The following ELOVL5 variants were observed in gnomAD, a reference collection of about 807,000 sequenced individuals.
ELOVL5 encodes the protein very long chain fatty acid elongase 5.
In ELOVL5, 8 loss-of-function variants were observed where a neutral mutation model predicts 38.6. That is an observed-to-expected ratio of 0.21 (90% confidence interval 0.12 to 0.37). ELOVL5 has a LOEUF of 0.37. Ranked by LOEUF, ELOVL5 falls within the 10% of genes least tolerant of loss-of-function variation. ELOVL5 has a pLI of 1.00. For missense variants in ELOVL5, 280 were observed against 367.8 expected, an observed-to-expected ratio of 0.76 and a Z score of 1.95; for synonymous variants, 127 against 133.7, an observed-to-expected ratio of 0.95 and a Z score of 0.34.
Position 53,348,467 on chromosome 6 carries a change from G to C in ELOVL5, c.-9+350C>G, listed in dbSNP as rs374337939. Among the ~76,000 whole-genome samples, 652 of 152,232 alleles carry C rather than the reference G, an allele frequency of 4.3e-3. 4 individuals are homozygous for C. The highest frequency in any genetic ancestry group is 7.3e-3 in the Non-Finnish European group (495 of 67,982). On this transcript the variant is annotated intron_variant, in intron 1 of 7. Coordinates refer to ENST00000304434, the MANE Select transcript of ELOVL5 (RefSeq NM_021814.5). ...CCCAGGCGGACAGATCCATCCCTCC[G>C]CGTCTGGTGTGGGCACGGTGTCGTG...
chr6:53,328,147 T>C (rs1051601303), intron 1 of ELOVL5, among the ~76,000 whole-genome samples: 1 of 152,242 alleles, frequency 6.6e-6, no homozygotes, highest in Non-Finnish European at 1.5e-5. Flanking sequence ...CAGATACCTT[T>C]GGCATTGCAC....
intron 1 of ELOVL5, among the ~76,000 whole-genome samples, chr6:53,323,249 G>A (rs930568680): frequency 2.0e-4 from 30 of 152,208 alleles, no homozygotes; most frequent in African/African-American, 5.3e-4. Flanking sequence ...AGATTTAGGT[G>A]AGGAACAGTT....
In ELOVL5 at chr6:53,310,716, C is replaced by T. The variant is rs149429825; in HGVS notation, c.-8-15009G>A. On this transcript the variant is annotated intron_variant, in intron 1 of 7. Transcript: ENST00000304434. ...TTGGCCTCCCAAAGTGCTAGGATTACGGGAGTGAGCCACTGCACCCAGCCA... is the reference window on the plus strand; with the variant it reads ...TTGGCCTCCCAAAGTGCTAGGATTATGGGAGTGAGCCACTGCACCCAGCCA... 5.5e-4 allele frequency among the ~76,000 whole-genome samples: 83 copies of T among 152,246 alleles called. 1 individual carries two copies. The highest frequency in any genetic ancestry group is 1.9e-3 in the African/African-American group (77 of 41,540).
intron 1 of ELOVL5, among the ~76,000 whole-genome samples, chr6:53,347,534 G>A (rs1769607897): frequency 1.3e-5 from 2 of 152,174 alleles, no homozygotes; most frequent in East Asian, 1.9e-4. Context: ...AAGCGGTTAG[G>A]AGAATGAGTT....
At chr6:53,311,249 T>C (rs1767816962) in intron 1 of ELOVL5, among the ~76,000 whole-genome samples, 1 of 152,316 alleles carries the variant, frequency 6.6e-6, no homozygotes, top group South Asian at 2.1e-4. Context: ...CAAGGCAGTG[T>C]TGCCAAAACA....
chr6:53,271,100 A>C (rs1765901655), intron 6 of ELOVL5, among the ~76,000 whole-genome samples: 1 of 152,238 alleles, frequency 6.6e-6, no homozygotes, highest in African/African-American at 2.4e-5. Context: ...ACATCCTTCC[A>C]ACTCCTTATC....
intron 3 of ELOVL5, among the ~76,000 whole-genome samples, chr6:53,285,086 AC>A (rs1487390297): frequency 6.6e-6 from 1 of 152,212 alleles, no homozygotes; most frequent in Non-Finnish European, 1.5e-5. Context: ...CTCTCACTTT[AC>A]ATCAAAAGCT....
At chr6:53,332,114 C>A (rs529732087) in intron 1 of ELOVL5, among the ~76,000 whole-genome samples, 12 of 152,296 alleles carry the variant, frequency 7.9e-5, no homozygotes, top group African/African-American at 2.9e-4. Context: ...CAAACACCTC[C>A]GAGTAGGCCC....
At chr6:53,343,066 A>G (rs1241693032) in intron 1 of ELOVL5, among the ~76,000 whole-genome samples, 1 of 152,200 alleles carries the variant, frequency 6.6e-6, no homozygotes, top group Admixed American at 6.5e-5. Flanking sequence ...TTCCTATTGC[A>G]GAAACTGAAA....
chr6:53,310,870 C>T (rs1767800324), intron 1 of ELOVL5, among the ~76,000 whole-genome samples: 1 of 152,188 alleles, frequency 6.6e-6, no homozygotes, highest in Non-Finnish European at 1.5e-5. Context: ...TCTCACAATA[C>T]ACACAGAAAA....
chr6:53,273,510 G>A (rs1766001785), intron 5 of ELOVL5, among the ~76,000 whole-genome samples, 166 bp from the exon 6 acceptor site: 1 of 152,228 alleles, frequency 6.6e-6, no homozygotes, highest in South Asian at 2.1e-4. Flanking sequence ...TGTGTAATGA[G>A]AATTCAATTT....
chr6:53,315,370 G>A (rs9357759), intron 1 of ELOVL5, among the ~76,000 whole-genome samples: 51,713 of 151,806 alleles, frequency 0.34, 9,383 homozygotes, highest in African/African-American at 0.48. Context: ...TTCAAAATAT[G>A]AATTGAGAGT....
At chr6:53,347,109 C>A (rs895622026) in intron 1 of ELOVL5, among the ~76,000 whole-genome samples, 8 of 152,160 alleles carry the variant, frequency 5.3e-5, no homozygotes, top group African/African-American at 1.9e-4. Context: ...TTTTAGTAAG[C>A]CTTCTACTGT....
intron 1 of ELOVL5, among the ~76,000 whole-genome samples, chr6:53,317,537 G>T (rs1038369919): frequency 6.6e-6 from 1 of 151,878 alleles, no homozygotes; most frequent in East Asian, 1.9e-4. Flanking sequence ...GCAAACTATC[G>T]CAAGGACAAA....
intron 1 of ELOVL5, among the ~76,000 whole-genome samples, chr6:53,329,772 C>G (rs1768708471): frequency 6.6e-6 from 1 of 152,080 alleles, no homozygotes; most frequent in Admixed American, 6.6e-5. Flanking sequence ...TGCAGTGAGT[C>G]AAAATCATGC....
intron 3 of ELOVL5, among the ~76,000 whole-genome samples, chr6:53,288,599 T>C (rs1043558366): frequency 1.3e-5 from 2 of 152,236 alleles, no homozygotes; most frequent in Non-Finnish European, 2.9e-5. Flanking sequence ...TCTTCTCTCC[T>C]TTTAATTTTG....
At chr6:53,318,624 C>T (rs1452411913) in intron 1 of ELOVL5, among the ~76,000 whole-genome samples, 1 of 152,032 alleles carries the variant, frequency 6.6e-6, no homozygotes, top group Non-Finnish European at 1.5e-5. Context: ...CCTGTGGCTG[C>T]AGCTACTCAG....
chr6:53,276,473 G>C (rs190177962), intron 3 of ELOVL5, among the ~76,000 whole-genome samples: 112 of 152,276 alleles, frequency 7.4e-4, no homozygotes, highest in African/African-American at 2.6e-3. Context: ...GTCACTCCCA[G>C]GCTGCTGCCC....
At chr6:53,333,373 C>T (rs1768890435) in intron 1 of ELOVL5, among the ~76,000 whole-genome samples, 1 of 152,184 alleles carries the variant, frequency 6.6e-6, no homozygotes, top group Non-Finnish European at 1.5e-5. Flanking sequence ...ACCAGGTAGA[C>T]TGTCTCATTA....
Sources: gnomAD v4.1 joint callset for allele counts (sites outside exome capture counted in the v4.1 genomes callset) on GRCh38, gnomAD v4.1.1 for gene constraint, MANE v1.5 for transcripts, NCBI Gene and HGNC (gene_info 2026-07-23, HGNC 2026-07-21) for gene names.